Variants in EIF3H observed in about 807,000 individuals in gnomAD.
EIF3H encodes eIF-3-gamma.
A neutral mutation model predicts 44.2 loss-of-function variants in EIF3H; 26 were observed. That is an observed-to-expected ratio of 0.59 (90% CI 0.43 to 0.82). The LOEUF (loss-of-function observed/expected upper bound fraction) is 0.82, where lower values mean the gene tolerates loss of function less well. Ranked by LOEUF, EIF3H falls within the 40% of genes least tolerant of loss-of-function variation. EIF3H has a pLI of 0.00. For missense variants in EIF3H, 359 were observed against 432.8 expected, an observed-to-expected ratio of 0.83 and a Z score of 1.51; for synonymous variants, 166 against 151.9, an observed-to-expected ratio of 1.09 and a Z score of -0.68.
intron 1 of EIF3H, among the ~76,000 whole-genome samples, chr8:116,751,610 G>A (rs991311564): frequency 6.6e-6 from 1 of 152,192 alleles, no homozygotes; most frequent in African/African-American, 2.4e-5. Flanking sequence ...AAATAGTGAC[G>A]TCAAACAGGC....
At chr8:116,666,778 T>G (rs1219854514) in intron 2 of EIF3H, among the ~76,000 whole-genome samples, 2 of 37,314 alleles carry the variant, frequency 5.4e-5, no homozygotes, top group Non-Finnish European at 1.2e-4. Context: ...AAAAAAAAAT[T>G]ACACTATGTA....
intron 5 of EIF3H, among the ~76,000 whole-genome samples, chr8:116,650,310 A>G (rs2130778123): frequency 6.6e-6 from 1 of 152,270 alleles, no homozygotes; most frequent in East Asian, 1.9e-4. Flanking sequence ...CTGCTGTGGA[A>G]AACAGTTTGG....
chr8:116,739,822 G>A (rs961913123), intron 1 of EIF3H, among the ~76,000 whole-genome samples: 2 of 152,194 alleles, frequency 1.3e-5, no homozygotes, highest in Non-Finnish European at 1.5e-5. Flanking sequence ...AGCTGGTCTC[G>A]GCAACTCTGG....
At chr8:116,737,548 C>G (rs186250537) in intron 1 of EIF3H, among the ~76,000 whole-genome samples, 1 of 151,788 alleles carries the variant, frequency 6.6e-6, no homozygotes, top group African/African-American at 2.4e-5. Flanking sequence ...CCCAGCTACT[C>G]GGGAGGCTGA....
Position 116,681,049 on chromosome 8 carries a change from T to G in EIF3H, c.290-22069A>C, listed in dbSNP as rs184798566. ...ATTATTCAATAATACAAAAATGTACTTAATCTGAAACACATACAAAAGGTA... is the reference window on the plus strand; with the variant it reads ...ATTATTCAATAATACAAAAATGTACGTAATCTGAAACACATACAAAAGGTA... On this transcript the variant is annotated intron_variant, in intron 2 of 7. Coordinates refer to ENST00000521861, the MANE Select transcript of EIF3H (RefSeq NM_003756.3). 3.3e-3 allele frequency among the ~76,000 whole-genome samples: 495 copies of G among 151,914 alleles called. 2 individuals are homozygous for G. Among genetic ancestry groups the G allele is most frequent in the Non-Finnish European group, 4.2e-3 (284 of 67,966 alleles).
intron 2 of EIF3H, among the ~76,000 whole-genome samples, chr8:116,702,660 T>C (rs1346334417): frequency 6.6e-6 from 1 of 152,112 alleles, no homozygotes; most frequent in Non-Finnish European, 1.5e-5. Flanking sequence ...ATCTGAAGAA[T>C]ATGGTATCAA....
chr8:116,713,944 T>C (rs982952137), intron 2 of EIF3H, among the ~76,000 whole-genome samples: 6 of 152,170 alleles, frequency 3.9e-5, no homozygotes, highest in African/African-American at 1.4e-4. Context: ...AGTATTTTAC[T>C]AAATATTTTA....
upstream of EIF3H, chr8:116,756,166 T>G (rs1490129069): frequency 1.4e-6 from 1 of 702,824 alleles, no homozygotes; most frequent in Non-Finnish European, 2.4e-6. Flanking sequence ...CTGTACTAAC[T>G]CGCATTATGC....
intron 2 of EIF3H, among the ~76,000 whole-genome samples, chr8:116,688,567 A>C (rs1261639508): frequency 6.6e-6 from 1 of 152,124 alleles, no homozygotes; most frequent in Non-Finnish European, 1.5e-5. Context: ...TAATGCATGT[A>C]AACACTGCTG....
intron 2 of EIF3H, among the ~76,000 whole-genome samples, chr8:116,723,032 T>C (rs1814778267): frequency 6.6e-6 from 1 of 152,204 alleles, no homozygotes; most frequent in South Asian, 2.1e-4. Context: ...TAGTAATATA[T>C]TTTGTTTCGT....
chr8:116,737,342 T>A (rs566481238), intron 1 of EIF3H: 1 of 429,492 alleles, frequency 2.3e-6, no homozygotes, highest in African/African-American at 2.1e-5. Flanking sequence ...AAAAAGCCCA[T>A]AACCCAAAAA....
At chr8:116,655,390 A>G (rs1162244245) in intron 5 of EIF3H, among the ~76,000 whole-genome samples, 2 of 151,984 alleles carry the variant, frequency 1.3e-5, no homozygotes, top group African/African-American at 4.8e-5. Context: ...AACTCAAACA[A>G]CTGTAATTTT....
rs780285501 is a variant in EIF3H at position 116,755,656 on chromosome 8, C to T, written c.132+10G>A. Reference sequence around the variant, plus strand: ...CCCACGTGGGCCAGAGGAAAAAGAACAGCACTCACAAGGCCATCTATCTGC... The same window carrying T: ...CCCACGTGGGCCAGAGGAAAAAGAATAGCACTCACAAGGCCATCTATCTGC... On this transcript the variant is annotated intron_variant, in intron 1 of 7. Transcript: ENST00000521861. The T allele has an allele frequency of 1.2e-6, 2 of 1,613,928 alleles. No individual in the cohort carries two copies. The highest frequency in any genetic ancestry group is 8.5e-7 in the Non-Finnish European group (1 of 1,179,938).
chr8:116,646,713 TCA>T, intron 6 of EIF3H, 110 bp from the exon 7 acceptor site: 6 of 1,392,076 alleles, frequency 4.3e-6, no homozygotes, highest in Non-Finnish European at 5.8e-6. Flanking sequence ...AATTCCAACC[TCA>T]GTTTTTATCA....
intron 2 of EIF3H, among the ~76,000 whole-genome samples, chr8:116,696,809 A>G (rs1814275275): frequency 6.6e-6 from 1 of 152,162 alleles, no homozygotes. Flanking sequence ...AATAATTTGT[A>G]AGGGCAAAAT....
intron 2 of EIF3H, among the ~76,000 whole-genome samples, chr8:116,689,398 T>C (rs951551791): frequency 2.0e-5 from 3 of 152,146 alleles, no homozygotes; most frequent in Non-Finnish European, 4.4e-5. Context: ...ACGGGTGAAC[T>C]ATAGAGTATA....
In EIF3H at chr8:116,678,135, G is replaced by A. The variant is rs1240629581; in HGVS notation, c.290-19155C>T. ...CTGCCGAGTGCCTGCGATTGCAGGC[G>A]CGCGCCGCCACGCCTGACTGGTTTT... On this transcript the variant is annotated intron_variant, in intron 2 of 7. Transcript: ENST00000521861. Among the ~76,000 whole-genome samples, 143 of 149,952 alleles carry A rather than the reference G, an allele frequency of 9.5e-4. 4 individuals are homozygous for A. The South Asian group carries it at 0.021, about 22-fold the overall frequency.
Position 116,658,798 on chromosome 8 carries a change from A to G in EIF3H, c.457+15T>C. ...TAATATTAAGGGAAAAAAGAATAAT[A>G]AACCTCCTACTAACCATAAATGAGA... On this transcript the variant is annotated intron_variant, in intron 3 of 7. Coordinates refer to ENST00000521861, the MANE Select transcript of EIF3H (RefSeq NM_003756.3). The G allele has an allele frequency of 6.2e-7, 1 of 1,600,108 alleles. No homozygotes were observed. Among genetic ancestry groups the G allele is most frequent in the East Asian group, 2.2e-5 (1 of 44,736 alleles).
chr8:116,733,309 A>G (rs975560550), intron 1 of EIF3H, among the ~76,000 whole-genome samples: 8 of 152,154 alleles, frequency 5.3e-5, no homozygotes, highest in Non-Finnish European at 8.8e-5. Flanking sequence ...CTTGCACAAG[A>G]GTTTTTACAG....
Sources: gnomAD v4.1 joint callset for allele counts (sites outside exome capture counted in the v4.1 genomes callset) on GRCh38, gnomAD v4.1.1 for gene constraint, MANE v1.5 for transcripts, NCBI Gene and HGNC (gene_info 2026-07-23, HGNC 2026-07-21) for gene names.